D2HGDH: variants seen among roughly 807,000 people sequenced by gnomAD.
D2HGDH encodes the protein D-2-hydroxyglutarate dehydrogenase, also known as D-2-hydroxyglutarate dehydrogenase, mitochondrial.
A neutral mutation model predicts 46.9 loss-of-function variants in D2HGDH; 31 were observed. That is an observed-to-expected ratio of 0.66 (90% CI 0.50 to 0.89). The LOEUF is 0.89. Ranked by LOEUF, D2HGDH falls within the 40% of genes least tolerant of loss-of-function variation. The probability of loss-of-function intolerance (pLI) is 0.00; values close to 1 mark genes in which losing one functional copy is unlikely to be tolerated. For missense variants in D2HGDH, 698 were observed against 720.8 expected (o/e 0.97, Z 0.36); for synonymous variants, 364 against 332.6 (o/e 1.09, Z -1.03).
In D2HGDH at chr2:241,743,581, C is replaced by T; in HGVS notation, c.491-41C>T. On this transcript the variant is annotated intron_variant, in intron 4 of 9. Coordinates refer to ENST00000321264, the MANE Select transcript of D2HGDH (RefSeq NM_152783.5). The surrounding 1 kb of genome is among the most constrained non-coding windows in gnomAD (Gnocchi z 4.8). ...TGGGACTCACCAGCCCGGGGGCCCA[C>T]TGGAAGCCAAGTGCTGCGGCAGCCT... 1 of 1,598,686 alleles carries T rather than the reference C, an allele frequency of 6.3e-7. No homozygotes were observed. Among genetic ancestry groups the T allele is most frequent in the Non-Finnish European group, 8.5e-7 (1 of 1,173,534 alleles).
rs199944754 is a variant in D2HGDH, at chr2:241,741,117, A to G, written c.350+27A>G. 802 of 1,608,656 alleles carry G rather than the reference A, an allele frequency of 5.0e-4. 5 individuals are homozygous for G. In the African/African-American group the frequency reaches 9.4e-3, roughly 19 times the overall value. On this transcript the variant is annotated intron_variant, in intron 3 of 9. Transcript: ENST00000321264. ...TGAGGTGGTGGCTCCCGGCTCCCCC[A>G]GCCTTCCCTGTTGCCTGTGGGTCAT... is the stretch of plus-strand genomic sequence containing the variant.
rs370577889 is a variant in D2HGDH, at chr2:241,762,673, A to G, written c.1307-5037A>G. ...GTCCCGCCTCTCAGGTTTGGATGCT[A>G]TTTGCAGTGTCTCCAGCTTGGCGTT... On this transcript the variant is annotated intron_variant, in intron 9 of 9. Coordinates refer to ENST00000321264, the MANE Select transcript of D2HGDH (RefSeq NM_152783.5). Among the ~76,000 whole-genome samples, 57 of 151,992 alleles carry G rather than the reference A, an allele frequency of 3.8e-4. 2 individuals are homozygous for G. The highest frequency in any genetic ancestry group is 1.2e-3 in the African/African-American group (51 of 41,440).
At position 241,743,532 on chromosome 2, in the gene D2HGDH, G is replaced by A. The variant is rs1695083181; in HGVS notation, c.491-90G>A. 1.4e-6 allele frequency: 2 copies of A among 1,440,104 alleles called. No individual in the cohort carries two copies. 89.2% of individuals were successfully genotyped at this position (1,440,104 alleles called of 1,614,324 possible). A position where few individuals can be genotyped will look rare whatever the true frequency, so the allele number is the denominator to read the frequency against. On this transcript the variant is annotated intron_variant, in intron 4 of 9. Coordinates refer to ENST00000321264, the MANE Select transcript of D2HGDH (RefSeq NM_152783.5). This position sits in a 1 kb window ranked among gnomAD's most constrained non-coding sequence, Gnocchi z 4.8. The stretch of plus-strand genomic sequence containing the variant: ...GCTGAGGCTGATGTTCCTTCTGGGT[G>A]GCTTGCCTGTGCAAGATGGGGGTTG...
chr2:241,754,201 T>TCG (rs1184897596), intron 8 of D2HGDH, among the ~76,000 whole-genome samples: 3 of 152,124 alleles, frequency 2.0e-5, no homozygotes, highest in African/African-American at 7.2e-5. Flanking sequence ...TAAGAAGGCC[T>TCG]CACAGGCAGC....
chr2:241,758,609 T>TA (rs912394383), intron 9 of D2HGDH, among the ~76,000 whole-genome samples: 13 of 151,738 alleles, frequency 8.6e-5, no homozygotes, highest in South Asian at 2.1e-4. Context: ...CCTGGCTAAC[T>TA]AAAAAAAAAT....
In D2HGDH at chr2:241,742,464, A is replaced by C. The variant is rs1694741589; in HGVS notation, c.380A>C (p.Asn127Thr). The C allele has an allele frequency of 6.2e-7, 1 of 1,613,480 alleles. No homozygotes were observed. Among genetic ancestry groups the C allele is most frequent in the Non-Finnish European group, 8.5e-7 (1 of 1,179,858 alleles). Residue 127 changes from asparagine to threonine, a missense_variant, in exon 4 of 10, where the codon AAC becomes ACC. Physicochemically the swap from Asn to Thr is moderately conservative, Grantham distance 65. Transcript: ENST00000321264. This position sits in a 1 kb window ranked among gnomAD's most constrained non-coding sequence, Gnocchi z 4.8. ...RHCHERNLAV[N>T]PQGGNTGMVG... ...TGCCACGAGAGGAACCTGGCCGTGA[A>C]CCCACAGGGGGGCAACACAGGCATG...
chr2:241,767,559 C>A, intron 9 of D2HGDH, 151 bp from the exon 10 acceptor site: 2 of 1,081,792 alleles, frequency 1.8e-6, no homozygotes, highest in South Asian at 1.5e-5. Flanking sequence ...GAGGAGGGGT[C>A]GGCACGTCCA....
At chr2:241,746,294 C>G (rs1695841561) in intron 6 of D2HGDH, among the ~76,000 whole-genome samples, 1 of 152,090 alleles carries the variant, frequency 6.6e-6, no homozygotes, top group Non-Finnish European at 1.5e-5. Flanking sequence ...CACGAATGCC[C>G]TCTTCTGCTG....
intron 8 of D2HGDH, among the ~76,000 whole-genome samples, chr2:241,752,973 C>T (rs1399980166): frequency 1.3e-5 from 2 of 151,828 alleles, no homozygotes; most frequent in African/African-American, 4.8e-5. Context: ...CCCCCAGCCT[C>T]TGCACATCAG....
At chr2:241,755,196 T>C (rs1324093505) in intron 8 of D2HGDH, 1 of 1,293,576 alleles carries the variant, frequency 7.7e-7, no homozygotes, top group Non-Finnish European at 1.0e-6. Flanking sequence ...GCCCGCCGTG[T>C]CCCTCCTCCT....
chr2:241,762,008 G>C (rs1019273108), intron 9 of D2HGDH, among the ~76,000 whole-genome samples: 5 of 151,442 alleles, frequency 3.3e-5, no homozygotes, highest in African/African-American at 1.2e-4. Context: ...GTTCAGGGCA[G>C]TTCCCTTCGG....
intron 7 of D2HGDH, 132 bp from the exon 8 acceptor site, chr2:241,751,114 G>T: frequency 7.9e-7 from 1 of 1,257,942 alleles, no homozygotes; most frequent in Non-Finnish European, 1.1e-6. Flanking sequence ...TGTGTGCTCC[G>T]CAGGCTGCCT....
chr2:241,748,373 G>A (rs964678765), intron 6 of D2HGDH, among the ~76,000 whole-genome samples: 13 of 152,012 alleles, frequency 8.6e-5, no homozygotes, highest in African/African-American at 1.9e-4. Flanking sequence ...TGCCCGCCTC[G>A]GCCTCCCAAA....
intron 9 of D2HGDH, among the ~76,000 whole-genome samples, chr2:241,764,280 C>T (rs141870534): frequency 2.4e-4 from 37 of 152,348 alleles, no homozygotes; most frequent in Non-Finnish European, 3.1e-4. Flanking sequence ...AAATAGTTTT[C>T]TGTCTACCCT....
chr2:241,742,858 G>A lies in D2HGDH; in HGVS notation c.490+284G>A, dbSNP rs577320877. 2.3e-4 allele frequency among the ~76,000 whole-genome samples: 35 copies of A among 152,036 alleles called. 1 individual carries two copies. The highest frequency in any genetic ancestry group is 2.3e-3 in the Admixed American group (35 of 15,296). On this transcript the variant is annotated intron_variant, in intron 4 of 9. Coordinates refer to ENST00000321264, the MANE Select transcript of D2HGDH (RefSeq NM_152783.5). The surrounding 1 kb of genome is among the most constrained non-coding windows in gnomAD (Gnocchi z 4.8). ...CATGTGTGAGGGGATCCTGACCCAGGGTGCCAGGGCGTGGCAGGCATGAGG... is the reference window on the plus strand; with the variant it reads ...CATGTGTGAGGGGATCCTGACCCAGAGTGCCAGGGCGTGGCAGGCATGAGG...
rs1242013679 is a variant in D2HGDH at position 241,768,133 on chromosome 2, C to G, written c.*164C>G. The G allele has an allele frequency of 9.1e-7, 1 of 1,101,308 alleles. No homozygotes were observed. The highest frequency in any genetic ancestry group is 1.3e-6 in the Non-Finnish European group (1 of 795,894). The allele number at this position is 1,101,308 out of a possible 1,614,324, so 68.2% of individuals were successfully genotyped here. ...TGGGGAACTGCCGGACGCAGGCCCT[C>G]GGGCAGGAGCATCTGGCAGAGTGGG... On this transcript the variant is annotated 3_prime_UTR_variant, in exon 10 of 10. Coordinates refer to ENST00000321264, the MANE Select transcript of D2HGDH (RefSeq NM_152783.5).
At chr2:241,748,811 G>A (rs1005270959) in intron 6 of D2HGDH, 32 of 1,173,804 alleles carry the variant, frequency 2.7e-5, no homozygotes, top group Admixed American at 9.9e-5. Context: ...TGGATCGGTG[G>A]TTCCTCTTCA....
Position 241,755,778 on chromosome 2 carries a change from T to C in D2HGDH, c.1141-71T>C, listed in dbSNP as rs1378851091. ...AGAACATGCTGCTGCCCTAACCCCG[T>C]GTGGTGTGCCCCCTGTCCCCGGGTG... On this transcript the variant is annotated intron_variant, in intron 8 of 9. Coordinates refer to ENST00000321264, the MANE Select transcript of D2HGDH (RefSeq NM_152783.5). The C allele has an allele frequency of 3.1e-6, 5 of 1,611,328 alleles. No homozygotes were observed. The Admixed American group carries it at 6.7e-5, about 22-fold the overall frequency.
intron 8 of D2HGDH, among the ~76,000 whole-genome samples, chr2:241,754,097 G>A (rs973793461): frequency 2.0e-5 from 3 of 152,254 alleles, no homozygotes; most frequent in African/African-American, 7.2e-5. Context: ...AGAGATGGTG[G>A]GTGTGGAGCT....
Sources: gnomAD v4.1 joint callset for allele counts (sites outside exome capture counted in the v4.1 genomes callset) on GRCh38, gnomAD v4.1.1 for gene constraint, Gnocchi (gnomAD v3.1) non-coding constraint, MANE v1.5 for transcripts, NCBI Gene and HGNC (gene_info 2026-07-23, HGNC 2026-07-21) for gene names.